The following PRUNE2 variants were observed in gnomAD, a reference collection of about 807,000 sequenced individuals.
PRUNE2 encodes protein prune homolog 2.
A neutral mutation model predicts 252.0 loss-of-function variants in PRUNE2; 164 were observed. The ratio of observed to expected loss-of-function variants is 0.65; its 90% confidence interval spans 0.57 to 0.74. PRUNE2 has a LOEUF of 0.74. Ranked by LOEUF, PRUNE2 falls within the 30% of genes least tolerant of loss-of-function variation. The pLI is 0.00. For synonymous variants in PRUNE2, 1,292 were observed against 1,350.2 expected (o/e 0.96, Z 0.94); for missense variants, 3,495 against 3,711.0 (o/e 0.94, Z 1.51).
chr9:76,681,432 T>C (rs1171465709), intron 9 of PRUNE2, among the ~76,000 whole-genome samples: 1 of 150,374 alleles, frequency 6.7e-6, no homozygotes, highest in Non-Finnish European at 1.5e-5. Flanking sequence ...TTTTATGTTA[T>C]GTGTTTCTTA....
chr9:76,656,462 T>C (rs140908294), intron 9 of PRUNE2, among the ~76,000 whole-genome samples: 65 of 152,312 alleles, frequency 4.3e-4, no homozygotes, highest in African/African-American at 1.5e-3. Flanking sequence ...CTGCCTCTCT[T>C]ACTGTACTTT....
chr9:76,687,109 G>A (rs570222), intron 9 of PRUNE2, among the ~76,000 whole-genome samples: 139,213 of 152,194 alleles, frequency 0.91, 64,413 homozygotes, highest in Non-Finnish European at 0.99. Context: ...TGGCCAGCCC[G>A]GGAATGAGGC....
chr9:76,648,768 G>A (rs905184576), intron 11 of PRUNE2, among the ~76,000 whole-genome samples: 4 of 152,234 alleles, frequency 2.6e-5, no homozygotes, highest in Admixed American at 2.6e-4. Context: ...CACATAGAGT[G>A]CACAACTTGG....
In PRUNE2 at chr9:76,636,545, A is replaced by G. The variant is rs1032499622; in HGVS notation, c.8976T>C (p.Asn2992=). ...GATGAACAATGATGAATGATTTCAAATTCTTCCTCAACCTATTTTGAAAAA... is the reference window on the plus strand; with the variant it reads ...GATGAACAATGATGAATGATTTCAAGTTCTTCCTCAACCTATTTTGAAAAA... The part of the protein sequence containing the change: ...YQMIDRRLRK[N]LKSFIIVHPS... Residue 2992 remains asparagine (N), a synonymous_variant, in exon 15 of 19, where the codon AAT becomes AAC. Transcript: ENST00000376718. 4.5e-6 allele frequency: 7 copies of G among 1,547,228 alleles called. No individual in the cohort carries two copies. Among genetic ancestry groups the G allele is most frequent in the Non-Finnish European group, 6.1e-6 (7 of 1,140,684 alleles).
rs2046332688 is a variant in PRUNE2 at position 76,706,609 on chromosome 9, C to G, written c.5665G>C (p.Asp1889His). 1 of 1,613,828 alleles carries G rather than the reference C, an allele frequency of 6.2e-7. No homozygotes were observed. Reference sequence around the variant, plus strand: ...TCCAGAAAGGGTGACTGATGGTTGTCACTAAAAGGATTAGTATAGTGTGTT... The same window carrying G: ...TCCAGAAAGGGTGACTGATGGTTGTGACTAAAAGGATTAGTATAGTGTGTT... Reference protein sequence around the residue: ...VETHYTNPFSDNHQSPFLEGN... With the variant: ...VETHYTNPFSHNHQSPFLEGN... Residue 1889 changes from aspartate to histidine, a missense_variant, in exon 8 of 19, where the codon GAC becomes CAC. By Grantham distance (81) the Asp-to-His change is moderately conservative (BLOSUM62 -1). Coordinates refer to ENST00000376718, the MANE Select transcript of PRUNE2 (RefSeq NM_015225.3).
chr9:76,826,850 G>A (rs760788056), intron 4 of PRUNE2, 118 bp from the exon 5 acceptor site: 5 of 791,122 alleles, frequency 6.3e-6, no homozygotes, highest in Non-Finnish European at 9.9e-6. Flanking sequence ...CTCTCACCTG[G>A]ACCAGAGTCC....
chr9:76,826,434 C>T (rs1401724471), intron 5 of PRUNE2, 146 bp downstream of exon 5: 2 of 586,508 alleles, frequency 3.4e-6, no homozygotes, highest in East Asian at 3.0e-5. Flanking sequence ...GATCATGTTA[C>T]TGCACTCCAG....
intron 2 of PRUNE2, among the ~76,000 whole-genome samples, chr9:76,851,664 CGTCA>C (rs2059969299): frequency 6.6e-6 from 1 of 151,944 alleles, no homozygotes; most frequent in African/African-American, 2.4e-5. Context: ...AAATTCAGAA[CGTCA>C]GTCAGTAGAA....
At chr9:76,816,111 G>A (rs1013187812) in intron 6 of PRUNE2, among the ~76,000 whole-genome samples, 11 of 148,164 alleles carry the variant, frequency 7.4e-5, no homozygotes, top group Non-Finnish European at 1.2e-4. Context: ...GCAGTGAGCC[G>A]AGATTGTGCC....
intron 6 of PRUNE2, among the ~76,000 whole-genome samples, chr9:76,771,056 A>C (rs1263811528): frequency 6.6e-6 from 1 of 152,176 alleles, no homozygotes; most frequent in East Asian, 1.9e-4. Context: ...AGAAATCGAC[A>C]AAAAATTATC....
chr9:76,656,875 T>C (rs1849447482), intron 9 of PRUNE2, among the ~76,000 whole-genome samples: 1 of 152,184 alleles, frequency 6.6e-6, no homozygotes, highest in African/African-American at 2.4e-5. Context: ...GTGTGTTCTC[T>C]AAAACTAGAC....
intron 18 of PRUNE2, among the ~76,000 whole-genome samples, chr9:76,617,940 T>C (rs925847594): frequency 6.6e-6 from 1 of 152,176 alleles, no homozygotes; most frequent in African/African-American, 2.4e-5. Flanking sequence ...GAAGAAATAG[T>C]TGCAAAAAGA....
rs189605403 is a variant in PRUNE2, at chr9:76,701,848, T to C, written c.8276+1489A>G. ...CATTCTGTTTCCACACAAATTAAGT[T>C]CCCAGAATTTAATACTGCAGGAAGC... is the stretch of plus-strand genomic sequence containing the variant. On this transcript the variant is annotated intron_variant, in intron 9 of 18. Transcript: ENST00000376718. 2.6e-5 allele frequency among the ~76,000 whole-genome samples: 4 copies of C among 152,242 alleles called. No homozygotes were observed. The East Asian group carries it at 5.8e-4, about 22-fold the overall frequency.
At chr9:76,886,668 T>A (rs1255795570) in intron 1 of PRUNE2, among the ~76,000 whole-genome samples, 2 of 152,182 alleles carry the variant, frequency 1.3e-5, no homozygotes, top group East Asian at 3.9e-4. Flanking sequence ...ATGTAACATA[T>A]TTTAAAGGAT....
intron 6 of PRUNE2, among the ~76,000 whole-genome samples, chr9:76,791,036 G>A (rs548905842): frequency 1.3e-5 from 2 of 152,136 alleles, no homozygotes; most frequent in Non-Finnish European, 2.9e-5. Context: ...AGTCAAACTC[G>A]TAACAGCAGA....
chr9:76,892,694 G>C (rs1277554738), intron 1 of PRUNE2, among the ~76,000 whole-genome samples: 1 of 152,202 alleles, frequency 6.6e-6, no homozygotes, highest in Admixed American at 6.5e-5. Context: ...GCACAAGGAA[G>C]AAAGACTGAG....
chr9:76,875,641 A>G lies in PRUNE2; in HGVS notation c.37-21433T>C, dbSNP rs147732346. Among the ~76,000 whole-genome samples the G allele has an allele frequency of 8.8e-3, 1,341 of 152,098 alleles. 21 individuals are homozygous for G. The highest frequency in any genetic ancestry group is 0.03 in the African/African-American group (1,242 of 41,488). The stretch of plus-strand genomic sequence containing the variant: ...GGCCTCCCAAAGTGCTGGGATTACA[A>G]CTGTGAGCCACCATGCCCAGCCGGC... On this transcript the variant is annotated intron_variant, in intron 1 of 18. Transcript: ENST00000376718.
intron 6 of PRUNE2, among the ~76,000 whole-genome samples, chr9:76,816,442 T>A (rs1327265129): frequency 5.3e-5 from 8 of 152,152 alleles, no homozygotes; most frequent in Admixed American, 5.2e-4. Flanking sequence ...AGTCCACTTT[T>A]CTGGGTCCAT....
intron 1 of PRUNE2, among the ~76,000 whole-genome samples, chr9:76,879,549 A>G (rs1271153009): frequency 6.6e-6 from 1 of 152,160 alleles, no homozygotes; most frequent in Non-Finnish European, 1.5e-5. Context: ...AAATAAATGA[A>G]ATGTGTAACA....
Sources: allele counts gnomAD v4.1 joint callset (sites outside exome capture counted in the v4.1 genomes callset), GRCh38; gene constraint gnomAD v4.1.1; transcripts MANE v1.5; gene names NCBI Gene and HGNC (gene_info 2026-07-23, HGNC 2026-07-21).